The following FILIP1L variants were observed in gnomAD, a reference collection of about 807,000 sequenced individuals.
FILIP1L encodes filamin A interacting protein 1 like.
FILIP1L carries 55 observed loss-of-function variants against 96.6 expected under a neutral mutation model. That is an observed-to-expected ratio of 0.57 (90% CI 0.46 to 0.71). The LOEUF (loss-of-function observed/expected upper bound fraction) is 0.71. Among genes scored for constraint, FILIP1L ranks in the 30% least tolerant of loss-of-function variants. The probability of loss-of-function intolerance (pLI) is 0.00; values close to 1 mark genes in which losing one functional copy is unlikely to be tolerated. For synonymous variants in FILIP1L, 467 were observed against 473.9 expected (o/e 0.99, Z 0.19); for missense variants, 1,304 against 1,321.2 (o/e 0.99, Z 0.20).
chr3:100,101,750 C>G (rs1369939554), intron 1 of FILIP1L, among the ~76,000 whole-genome samples: 1 of 152,102 alleles, frequency 6.6e-6, no homozygotes, highest in East Asian at 1.9e-4. Flanking sequence ...AGGTGTATCT[C>G]CTAATGCTAT....
At chr3:100,032,196 G>A (rs1354413007) in intron 1 of FILIP1L, among the ~76,000 whole-genome samples, 2 of 152,188 alleles carry the variant, frequency 1.3e-5, no homozygotes, top group Non-Finnish European at 1.5e-5. Flanking sequence ...TTATTTAAAT[G>A]TGGTAGAGGA....
chr3:99,957,378 ATGT>A (rs1708349780), intron 1 of FILIP1L, among the ~76,000 whole-genome samples: 1 of 152,214 alleles, frequency 6.6e-6, no homozygotes, highest in African/African-American at 2.4e-5. Context: ...TGAAGCCAGA[ATGT>A]TGTTTTTTTC....
chr3:99,845,159 T>TA (rs1257291340), intron 5 of FILIP1L, among the ~76,000 whole-genome samples: 1 of 152,182 alleles, frequency 6.6e-6, no homozygotes, highest in Admixed American at 6.5e-5. Context: ...TTCTTATGTG[T>TA]ACAGATTCAA....
chr3:99,865,806 T>G (rs917984692), intron 4 of FILIP1L, among the ~76,000 whole-genome samples: 1 of 151,906 alleles, frequency 6.6e-6, no homozygotes, highest in South Asian at 2.1e-4. Context: ...TTTATCTTAT[T>G]AAGAATATTT....
At chr3:99,856,817 T>C (rs1292703526) in intron 4 of FILIP1L, among the ~76,000 whole-genome samples, 2 of 152,228 alleles carry the variant, frequency 1.3e-5, no homozygotes, top group Non-Finnish European at 2.9e-5. Flanking sequence ...GCCTATATTT[T>C]ATCTCCTCTG....
chr3:99,873,303 G>A (rs1161519708), intron 4 of FILIP1L, among the ~76,000 whole-genome samples: 1 of 152,144 alleles, frequency 6.6e-6, no homozygotes. Context: ...CCTTAAAATC[G>A]TTTAAAATTA....
At position 100,024,515 on chromosome 3, in the gene FILIP1L, G is replaced by A. The variant is rs141902553; in HGVS notation, c.-11+89538C>T. Among the ~76,000 whole-genome samples the A allele has an allele frequency of 4.6e-3, 707 of 152,164 alleles. 2 individuals are homozygous for A. Among genetic ancestry groups the A allele is most frequent in the South Asian group, 7.3e-3 (35 of 4,822 alleles). ...ATCAGGTCTCCTTAGACTATTCAAT[G>A]TACCTTTCATAGGAAGCAACTGTTT... On this transcript the variant is annotated intron_variant, in intron 1 of 5. Coordinates refer to ENST00000477258, the MANE Select transcript of FILIP1L (RefSeq NM_001387850.1).
At chr3:100,099,837 A>G (rs1460148875) in intron 1 of FILIP1L, among the ~76,000 whole-genome samples, 1 of 152,212 alleles carries the variant, frequency 6.6e-6, no homozygotes, top group Non-Finnish European at 1.5e-5. Flanking sequence ...AAGTATCATA[A>G]GTATGCAGCG....
chr3:99,989,676 A>G (rs1474978483), intron 1 of FILIP1L, among the ~76,000 whole-genome samples: 1 of 142,654 alleles, frequency 7.0e-6, no homozygotes, highest in Non-Finnish European at 1.5e-5. Context: ...ATATATATAT[A>G]TATATATATT....
intron 5 of FILIP1L, chr3:99,833,254 G>A: frequency 6.2e-7 from 1 of 1,611,428 alleles, no homozygotes. Context: ...CAGAAGAAGT[G>A]GTTCCACCTA....
chr3:99,927,802 C>T (rs1707343933), intron 3 of FILIP1L, among the ~76,000 whole-genome samples: 1 of 152,026 alleles, frequency 6.6e-6, no homozygotes, highest in African/African-American at 2.4e-5. Flanking sequence ...GGACTGAGTC[C>T]TTGCCTCTTC....
intron 1 of FILIP1L, among the ~76,000 whole-genome samples, chr3:100,011,403 A>T (rs547320539): frequency 3.9e-5 from 6 of 152,226 alleles, no homozygotes; most frequent in African/African-American, 1.4e-4. Context: ...TTTCTTTTAG[A>T]GACTAACTTA....
At chr3:99,982,289 G>C (rs1415202696) in intron 1 of FILIP1L, among the ~76,000 whole-genome samples, 2 of 151,012 alleles carry the variant, frequency 1.3e-5, no homozygotes, top group Non-Finnish European at 2.9e-5. Flanking sequence ...TTTAATCTGG[G>C]GCTGTGTATT....
chr3:100,102,243 TAAAA>T (rs1559758176), intron 1 of FILIP1L, among the ~76,000 whole-genome samples: 1 of 152,302 alleles, frequency 6.6e-6, no homozygotes. Context: ...ATCAACAGTG[TAAAA>T]GTGTTCCTAT....
At chr3:99,843,839 TC>T (rs1943241440) in intron 5 of FILIP1L, among the ~76,000 whole-genome samples, 1 of 152,120 alleles carries the variant, frequency 6.6e-6, no homozygotes, top group African/African-American at 2.4e-5. Flanking sequence ...GAGCTCTGCC[TC>T]CTGTCAGATC....
chr3:99,867,822 C>G (rs778056993), intron 4 of FILIP1L, among the ~76,000 whole-genome samples: 1 of 152,060 alleles, frequency 6.6e-6, no homozygotes, highest in Admixed American at 6.6e-5. Flanking sequence ...GAATGGAAAA[C>G]CGTAATTGGA....
At chr3:99,960,530 T>C (rs1463926728) in intron 1 of FILIP1L, among the ~76,000 whole-genome samples, 1 of 152,198 alleles carries the variant, frequency 6.6e-6, no homozygotes, top group Non-Finnish European at 1.5e-5. Flanking sequence ...TGAAGTGAAA[T>C]AATCTCCCTC....
chr3:99,956,345 T>C (rs1708318699), intron 1 of FILIP1L, among the ~76,000 whole-genome samples: 1 of 152,166 alleles, frequency 6.6e-6, no homozygotes, highest in South Asian at 2.1e-4. Context: ...TTCTGTCCCC[T>C]CCATCTAAGC....
chr3:99,952,876 A>G (rs1380778515), intron 1 of FILIP1L, among the ~76,000 whole-genome samples: 1 of 152,188 alleles, frequency 6.6e-6, no homozygotes, highest in Non-Finnish European at 1.5e-5. Context: ...TTTCTGCATA[A>G]TGAAAAAAAG....
Sources: gnomAD v4.1 joint callset for allele counts (sites outside exome capture counted in the v4.1 genomes callset) on GRCh38, gnomAD v4.1.1 for gene constraint, MANE v1.5 for transcripts, NCBI Gene and HGNC (gene_info 2026-07-23, HGNC 2026-07-21) for gene names.